BMPER: variants seen among roughly 807,000 people sequenced by gnomAD.
The protein encoded by BMPER is BMP binding endothelial regulator.
A neutral mutation model predicts 87.3 loss-of-function variants in BMPER; 45 were observed. That is an observed-to-expected ratio of 0.52 (90% CI 0.41 to 0.66). The LOEUF (loss-of-function observed/expected upper bound fraction) is 0.66. Ranked by LOEUF, BMPER falls within the 30% of genes least tolerant of loss-of-function variation. The pLI, the probability that BMPER is intolerant of heterozygous loss-of-function variation, is 0.00. For synonymous variants in BMPER, 326 were observed against 316.2 expected, an observed-to-expected ratio of 1.03 and a Z score of -0.33; for missense variants, 784 against 867.5, an observed-to-expected ratio of 0.90 and a Z score of 1.21.
chr7:34,148,097 A>G (rs978434910), intron 14 of BMPER, among the ~76,000 whole-genome samples: 1 of 152,020 alleles, frequency 6.6e-6, no homozygotes, highest in African/African-American at 2.4e-5. Context: ...TGCCCTCCTC[A>G]AGGTCCATGT....
At chr7:33,971,468 G>C (rs148952844) in intron 5 of BMPER, among the ~76,000 whole-genome samples, 1 of 152,130 alleles carries the variant, frequency 6.6e-6, no homozygotes, top group Non-Finnish European at 1.5e-5. Flanking sequence ...TATTGTTCAT[G>C]AGCTTACATG....
At chr7:33,910,305 A>G (rs16879292) in intron 2 of BMPER, among the ~76,000 whole-genome samples, 59,849 of 152,132 alleles carry the variant, frequency 0.39, 12,128 homozygotes, top group Middle Eastern at 0.61. Flanking sequence ...TATTTTTCCC[A>G]TAATGTCTAG....
intron 13 of BMPER, among the ~76,000 whole-genome samples, chr7:34,131,948 A>G (rs567809569): frequency 1.3e-5 from 2 of 152,240 alleles, no homozygotes; most frequent in African/African-American, 2.4e-5. Context: ...GCATGGATGA[A>G]TTTTGCTCTT....
intron 14 of BMPER, among the ~76,000 whole-genome samples, chr7:34,152,361 T>C (rs1441647457): frequency 3.3e-5 from 5 of 152,202 alleles, no homozygotes; most frequent in Non-Finnish European, 2.9e-5. Context: ...GTCAGAAAAC[T>C]TCCAGAATGT....
At chr7:34,015,121 A>G (rs941968831) in intron 6 of BMPER, among the ~76,000 whole-genome samples, 9 of 151,988 alleles carry the variant, frequency 5.9e-5, no homozygotes, top group African/African-American at 2.2e-4. Context: ...TCTTCTAGAT[A>G]AAAGAACAAA....
intron 6 of BMPER, among the ~76,000 whole-genome samples, chr7:34,023,214 C>T (rs1787244968): frequency 6.6e-6 from 1 of 152,058 alleles, no homozygotes; most frequent in Non-Finnish European, 1.5e-5. Context: ...GGATCCACTG[C>T]TGTCACAGTG....
chr7:33,973,762 A>T (rs1241213019), intron 5 of BMPER, among the ~76,000 whole-genome samples: 1 of 152,112 alleles, frequency 6.6e-6, no homozygotes, highest in Non-Finnish European at 1.5e-5. Flanking sequence ...GGAGAAAGTG[A>T]CCTCAGCTGT....
chr7:33,965,233 T>C (rs1785376431), intron 3 of BMPER, among the ~76,000 whole-genome samples: 1 of 152,240 alleles, frequency 6.6e-6, no homozygotes, highest in East Asian at 1.9e-4. Context: ...CTGTGTACTT[T>C]AGTAATTTGA....
chr7:34,112,840 C>T (rs1254576530), intron 13 of BMPER, among the ~76,000 whole-genome samples: 1 of 151,808 alleles, frequency 6.6e-6, no homozygotes, highest in South Asian at 2.1e-4. Context: ...TTAATATGAA[C>T]ATAGATACAA....
At chr7:34,130,006 G>A (rs1333414375) in intron 13 of BMPER, among the ~76,000 whole-genome samples, 1 of 151,930 alleles carries the variant, frequency 6.6e-6, no homozygotes, top group Admixed American at 6.6e-5. Context: ...TTGGCTACTA[G>A]CAATGATAAG....
intron 3 of BMPER, among the ~76,000 whole-genome samples, chr7:33,949,418 A>ACT (rs1207004517): frequency 1.3e-5 from 2 of 151,162 alleles, no homozygotes; most frequent in Non-Finnish European, 3.0e-5. Flanking sequence ...GCCTCTGCAT[A>ACT]CTCTCTCTCT....
intron 13 of BMPER, among the ~76,000 whole-genome samples, chr7:34,125,331 T>C (rs1024982932): frequency 1.3e-5 from 2 of 152,214 alleles, no homozygotes; most frequent in South Asian, 2.1e-4. Flanking sequence ...TTGCTGATCA[T>C]TTGTCCCCTC....
At chr7:34,074,308 C>T (rs1361892553) in intron 11 of BMPER, among the ~76,000 whole-genome samples, 2 of 152,176 alleles carry the variant, frequency 1.3e-5, no homozygotes, top group Non-Finnish European at 2.9e-5. Context: ...CCAGGTGCCA[C>T]GTGGTGGATC....
intron 6 of BMPER, among the ~76,000 whole-genome samples, chr7:33,998,038 A>G (rs573157184): frequency 6.6e-6 from 1 of 152,328 alleles, no homozygotes; most frequent in East Asian, 1.9e-4. Context: ...GTAGAATACA[A>G]GCTCCATTAG....
chr7:33,995,214 T>A (rs1040168135), intron 6 of BMPER, among the ~76,000 whole-genome samples: 1 of 152,108 alleles, frequency 6.6e-6, no homozygotes, highest in Non-Finnish European at 1.5e-5. Flanking sequence ...AAAAAGACTC[T>A]TACATAATAA....
At chr7:34,092,445 C>A (rs529141576) in intron 13 of BMPER, among the ~76,000 whole-genome samples, 3 of 152,298 alleles carry the variant, frequency 2.0e-5, no homozygotes, top group African/African-American at 7.2e-5. Flanking sequence ...GCCTGAGGTC[C>A]TCAAACTAGC....
chr7:34,085,383 T>C (rs1045600622), intron 12 of BMPER, among the ~76,000 whole-genome samples: 4 of 152,156 alleles, frequency 2.6e-5, no homozygotes, highest in Admixed American at 6.5e-5. Flanking sequence ...ATTTGCACAT[T>C]GTAGTAGTCA....
chr7:33,950,169 G>A (rs1344066908), intron 3 of BMPER, among the ~76,000 whole-genome samples: 3 of 152,134 alleles, frequency 2.0e-5, no homozygotes, highest in Non-Finnish European at 4.4e-5. Context: ...GACTTCTGGT[G>A]GTTCCATTTT....
intron 2 of BMPER, among the ~76,000 whole-genome samples, chr7:33,915,399 T>A (rs1197687404): frequency 2.6e-5 from 4 of 152,240 alleles, no homozygotes; most frequent in Non-Finnish European, 5.9e-5. Flanking sequence ...CGATATAATT[T>A]AATGTCTTAA....
Sources: gnomAD v4.1 joint callset for allele counts (sites outside exome capture counted in the v4.1 genomes callset) on GRCh38, gnomAD v4.1.1 for gene constraint, MANE v1.5 for transcripts, NCBI Gene and HGNC (gene_info 2026-07-23, HGNC 2026-07-21) for gene names.